Variants in CNOT9 observed in about 807,000 individuals in gnomAD.
CNOT9 encodes the protein RCD1 required for cell differentiation1 homolog.
A neutral mutation model predicts 37.4 loss-of-function variants in CNOT9; 8 were observed. The observed-to-expected ratio is 0.21, with a 90% CI of 0.13 to 0.39. The LOEUF is 0.39. CNOT9 is among the 10% of genes least tolerant of loss of function. The pLI is 1.00. For missense variants in CNOT9, 154 were observed against 365.3 expected, an observed-to-expected ratio of 0.42 and a Z score of 4.71; for synonymous variants, 120 against 137.6, an observed-to-expected ratio of 0.87 and a Z score of 0.90.
At position 218,592,327 on chromosome 2, in the gene CNOT9, G is replaced by A; in HGVS notation, c.564G>A (p.Lys188=). ...SKTVATFILQ[K]ILLDDTGLAY... is the part of the protein sequence containing the mutation. ...AGGTTGCCACATTCATCCTCCAGAA[G>A]ATCTTGTTAGATGACACTGGTTTGG... The change falls in exon 6 of 8, where the codon AAG becomes AAA. Residue 188 remains lysine, a synonymous_variant. Coordinates refer to ENST00000273064, the MANE Select transcript of CNOT9 (RefSeq NM_005444.3). This position sits in a 1 kb window ranked among gnomAD's most constrained non-coding sequence, Gnocchi z 4.1. 1.9e-6 allele frequency: 3 copies of A among 1,613,888 alleles called. No homozygotes were observed. Among genetic ancestry groups the A allele is most frequent in the Non-Finnish European group, 2.5e-6 (3 of 1,179,866 alleles).
At position 218,584,617 on chromosome 2, in the gene CNOT9, C is replaced by T. The variant is rs781114199; in HGVS notation, c.326C>T (p.Ala109Val). The T allele has an allele frequency of 1.1e-5, 17 of 1,611,032 alleles. No individual in the cohort carries two copies. Among genetic ancestry groups the T allele is most frequent in the South Asian group, 8.8e-5 (8 of 91,002 alleles). Residue 109 changes from alanine to valine, a missense_variant, in exon 4 of 8, where the codon GCG (alanine) becomes GTG (valine). Transcript: ENST00000273064. Reference sequence around the variant, plus strand: ...TAATTATTGTTTTCTTCCAGGTCAGCGTTTCTCGCAGCACACATCCCACTT... The same window carrying T: ...TAATTATTGTTTTCTTCCAGGTCAGTGTTTCTCGCAGCACACATCCCACTT... The part of the protein sequence containing the change: ...CVASHPETRS[A>V]FLAAHIPLFL...
At chr2:218,572,110 C>T (rs1694018230) in intron 1 of CNOT9, among the ~76,000 whole-genome samples, 2 of 151,580 alleles carry the variant, frequency 1.3e-5, no homozygotes, top group Non-Finnish European at 2.9e-5. Flanking sequence ...CACCTGAGGT[C>T]AAGAGTTCCA....
chr2:218,588,588 C>CTTTTTTTTTTTTTTTTTTTTTT (rs1172484260), intron 5 of CNOT9, among the ~76,000 whole-genome samples: 2 of 33,452 alleles, frequency 6.0e-5, no homozygotes, highest in African/African-American at 2.7e-4. Flanking sequence ...TCCACCCGGC[C>CTTTTTTTTTTTTTTTTTTTTTT]TTTTTTTTTT....
At chr2:218,582,727 T>C (rs1444992161) in intron 2 of CNOT9, among the ~76,000 whole-genome samples, 2 of 151,554 alleles carry the variant, frequency 1.3e-5, no homozygotes, top group Non-Finnish European at 2.9e-5. Context: ...TGTAGAAATG[T>C]GAGTCTCAAA....
intron 3 of CNOT9, 101 bp from the exon 4 acceptor site, chr2:218,584,511 C>A: frequency 1.2e-6 from 1 of 824,586 alleles, no homozygotes; most frequent in Non-Finnish European, 2.1e-6. Flanking sequence ...CTTGCTCTGA[C>A]AATGTTAAGG....
intron 4 of CNOT9, 42 bp downstream of exon 4, chr2:218,584,763 G>T: frequency 7.4e-7 from 1 of 1,358,170 alleles, no homozygotes; most frequent in Non-Finnish European, 1.1e-6. Flanking sequence ...AATACTCACA[G>T]TAGTAGTCTA....
chr2:218,583,333 G>A (rs1229904212), intron 3 of CNOT9, among the ~76,000 whole-genome samples: 1 of 148,894 alleles, frequency 6.7e-6, no homozygotes, highest in African/African-American at 2.5e-5. Flanking sequence ...GAACTTTAAA[G>A]AAACAGTGTT....
At chr2:218,576,133 C>A (rs1437166673) in intron 1 of CNOT9, among the ~76,000 whole-genome samples, 1 of 152,164 alleles carries the variant, frequency 6.6e-6, no homozygotes, top group African/African-American at 2.4e-5. Context: ...CTTCTACTGC[C>A]CGCCTCCTTT....
intron 1 of CNOT9, among the ~76,000 whole-genome samples, chr2:218,579,668 A>G (rs1694300864): frequency 6.6e-6 from 1 of 151,314 alleles, no homozygotes; most frequent in South Asian, 2.1e-4. Flanking sequence ...TTGTATTTTT[A>G]GTAGAGACAC....
In CNOT9 at chr2:218,580,656, G is replaced by A; in HGVS notation, c.120G>A (p.Leu40=). The A allele has an allele frequency of 6.2e-7, 1 of 1,614,092 alleles. No homozygotes were observed. Among genetic ancestry groups the A allele is most frequent in the Non-Finnish European group, 8.5e-7 (1 of 1,179,948 alleles). Residue 40 remains leucine (L), a synonymous_variant, in exon 2 of 8, where the codon CTG becomes CTA. Transcript: ENST00000273064. ...SSPETRENAL[L]ELSKKRESVP... is the part of the protein sequence containing the mutation. ...CTGAGACTAGGGAAAATGCTTTGCT[G>A]GAGCTAAGTAAGAAGCGAGAATCTG...
rs549713815 is a variant in CNOT9 at position 218,581,074 on chromosome 2, CAG to C, written c.204+335_204+336del. 126 of 481,418 alleles carry C rather than the reference CAG, an allele frequency of 2.6e-4. 1 individual carries two copies. In the Middle Eastern group the frequency reaches 4.6e-3, roughly 18 times the overall value. The allele number at this position is 481,418 out of a possible 1,614,324, so 29.8% of individuals were successfully genotyped here. On this transcript the variant is annotated intron_variant, in intron 2 of 7. Coordinates refer to ENST00000273064, the MANE Select transcript of CNOT9 (RefSeq NM_005444.3). ...AGTACTGTAAGATAAATCTACATGA[CAG>C]GGGGAGGAAGGTGGAAAGTAGAGTA...
At chr2:218,580,961 T>G in intron 2 of CNOT9, 1 of 630,382 alleles carries the variant, frequency 1.6e-6, no homozygotes, top group Middle Eastern at 2.5e-4. Flanking sequence ...GGCCCTATAA[T>G]CTATATTTTA....
At chr2:218,576,764 T>C (rs1407769290) in intron 1 of CNOT9, among the ~76,000 whole-genome samples, 1 of 152,126 alleles carries the variant, frequency 6.6e-6, no homozygotes, top group African/African-American at 2.4e-5. Context: ...GGTCAGGAGT[T>C]TGAGATCAGC....
chr2:218,586,406 TAGTG>T (rs1694600098), intron 4 of CNOT9, among the ~76,000 whole-genome samples: 1 of 151,884 alleles, frequency 6.6e-6, no homozygotes, highest in Admixed American at 6.6e-5. Context: ...TGTGAGGACA[TAGTG>T]AGAAGCTGGC....
chr2:218,588,588 C>CTTTTTTTTTTTT lies in CNOT9; in HGVS notation c.540+908_540+919dup, dbSNP rs1172484260. Among the ~76,000 whole-genome samples the CTTTTTTTTTTTT allele has an allele frequency of 7.3e-3, 244 of 33,458 alleles. 72 individuals are homozygous for CTTTTTTTTTTTT. The highest frequency in any genetic ancestry group is 0.011 in the African/African-American group (85 of 7,400). The allele number at this position is 33,458 out of a possible 152,430, so 21.9% of individuals were successfully genotyped here. On this transcript the variant is annotated intron_variant, in intron 5 of 7. Coordinates refer to ENST00000273064, the MANE Select transcript of CNOT9 (RefSeq NM_005444.3). ...ACAGTCATGAGCCACTCCACCCGGC[C>CTTTTTTTTTTTT]TTTTTTTTTTTTTTTTTTTTTTTTT...
rs1048116426 is a variant in CNOT9 at position 218,595,020 on chromosome 2, G to A, written c.*744G>A. The A allele has an allele frequency of 3.3e-5, 5 of 152,138 alleles. No homozygotes were observed. The highest frequency in any genetic ancestry group is 9.7e-5 in the African/African-American group (4 of 41,438). The allele number at this position is 152,138 out of a possible 1,614,324, so 9.4% of individuals were successfully genotyped here. A position where few individuals can be genotyped will look rare whatever the true frequency, so the allele number is the denominator to read the frequency against. ...CCTTCTCCCATTCTACTCCCAGTCC[G>A]GAATGCCACGAGGACCTTAACCTTG... On this transcript the variant is annotated 3_prime_UTR_variant, in exon 8 of 8. Transcript: ENST00000273064.
At chr2:218,585,538 G>A (rs1355552365) in intron 4 of CNOT9, among the ~76,000 whole-genome samples, 1 of 148,876 alleles carries the variant, frequency 6.7e-6, no homozygotes, top group Admixed American at 6.7e-5. Flanking sequence ...CCAAGATCAC[G>A]CCACTGCACT....
chr2:218,587,438 T>A (rs1220252975), intron 4 of CNOT9, 148 bp from the exon 5 acceptor site: 1 of 1,280,200 alleles, frequency 7.8e-7, no homozygotes, highest in East Asian at 3.2e-5. Context: ...TTTTTTTTTT[T>A]AATACGAGTG....
chr2:218,587,647 C>T lies in CNOT9; in HGVS notation c.492C>T (p.Ile164=). Residue 164 remains isoleucine, a synonymous_variant, in exon 5 of 8, where the codon ATC becomes ATT. Transcript: ENST00000273064. ...ACTTTTTATTAACAACAGAAATTATCCCTTTATGTTTGCGAATTATGGAAT... is the reference window on the plus strand; with the variant it reads ...ACTTTTTATTAACAACAGAAATTATTCCTTTATGTTTGCGAATTATGGAAT... The part of the protein sequence containing the change: ...VINFLLTTEI[I]PLCLRIMESG... 1 of 1,608,196 alleles carries T rather than the reference C, an allele frequency of 6.2e-7. No homozygotes were observed. The highest frequency in any genetic ancestry group is 8.5e-7 in the Non-Finnish European group (1 of 1,176,886).
Sources: gnomAD v4.1 joint callset for allele counts (sites outside exome capture counted in the v4.1 genomes callset) on GRCh38, gnomAD v4.1.1 for gene constraint, Gnocchi (gnomAD v3.1) non-coding constraint, MANE v1.5 for transcripts, NCBI Gene and HGNC (gene_info 2026-07-23, HGNC 2026-07-21) for gene names.